FAM107B: variants seen among roughly 807,000 people sequenced by gnomAD.
FAM107B encodes the protein protein FAM107B.
In FAM107B, 21 loss-of-function variants were observed where a neutral mutation model predicts 31.5. The ratio of observed to expected loss-of-function variants is 0.67; its 90% CI spans 0.47 to 0.96. FAM107B has a LOEUF of 0.96. Among genes scored for constraint, FAM107B ranks in the 40% least tolerant of loss-of-function variants. The pLI, the probability that FAM107B is intolerant of heterozygous loss-of-function variation, is 0.00. For missense variants in FAM107B, 452 were observed against 377.1 expected (o/e 1.20, Z -1.64); for synonymous variants, 157 against 141.5 (o/e 1.11, Z -0.78).
rs1249025472 is a variant in FAM107B, at chr10:14,519,777, A to T, written c.*1413T>A. ...TCTATGAGTCTTCAAAGAAAGTATG[A>T]GAAGTCTCTCCAATGCAGAAATGAC... On this transcript the variant is annotated 3_prime_UTR_variant, in exon 5 of 5. Coordinates refer to ENST00000181796, the MANE Select transcript of FAM107B (RefSeq NM_031453.4). 6.6e-6 allele frequency: 1 copy of T among 152,286 alleles called. No individual in the cohort carries two copies. Among genetic ancestry groups the T allele is most frequent in the Non-Finnish European group, 1.5e-5 (1 of 68,040 alleles). The allele number at this position is 152,286 out of a possible 1,614,324, so 9.4% of individuals were successfully genotyped here.
At chr10:14,662,772 C>T (rs1564618182) in intron 2 of FAM107B, among the ~76,000 whole-genome samples, 2 of 152,086 alleles carry the variant, frequency 1.3e-5, no homozygotes, top group South Asian at 2.1e-4. Flanking sequence ...AACTGGGAAG[C>T]GAAGGTGTAG....
At chr10:14,674,391 T>G (rs1342435915) in intron 1 of FAM107B, among the ~76,000 whole-genome samples, 1 of 152,226 alleles carries the variant, frequency 6.6e-6, no homozygotes, top group African/African-American at 2.4e-5. Flanking sequence ...GGGCTGTGTT[T>G]TTAAAACCCC....
At chr10:14,729,766 T>C (rs1220606113) in intron 1 of FAM107B, among the ~76,000 whole-genome samples, 1 of 152,174 alleles carries the variant, frequency 6.6e-6, no homozygotes, top group Middle Eastern at 3.2e-3. Context: ...CTATTTACAA[T>C]AGCAAAGACT....
At chr10:14,641,554 A>C (rs920109649) in intron 2 of FAM107B, among the ~76,000 whole-genome samples, 6 of 152,176 alleles carry the variant, frequency 3.9e-5, no homozygotes, top group Non-Finnish European at 7.4e-5. Flanking sequence ...GTGAGGACTC[A>C]CTTCTTGGCT....
chr10:14,547,836 G>C (rs1848841956), intron 2 of FAM107B, among the ~76,000 whole-genome samples: 1 of 152,196 alleles, frequency 6.6e-6, no homozygotes, highest in Non-Finnish European at 1.5e-5. Context: ...AAGAATTTAA[G>C]TTGGCTCTTA....
intron 1 of FAM107B, among the ~76,000 whole-genome samples, chr10:14,685,147 T>G (rs150222388): frequency 0.44 from 64,971 of 146,568 alleles, 14,972 homozygotes; most frequent in East Asian, 0.64. Flanking sequence ...CTTTTATTTT[T>G]TTTTTTTTTT....
At chr10:14,756,557 T>G (rs903758093) in intron 1 of FAM107B, among the ~76,000 whole-genome samples, 1 of 152,212 alleles carries the variant, frequency 6.6e-6, no homozygotes, top group Non-Finnish European at 1.5e-5. Context: ...GCTTATCCAC[T>G]GATGGTGGGT....
chr10:14,541,356 G>T (rs993532725), intron 2 of FAM107B, among the ~76,000 whole-genome samples: 3 of 152,180 alleles, frequency 2.0e-5, no homozygotes, highest in African/African-American at 7.2e-5. Flanking sequence ...CTCGATAGTG[G>T]AGTCCTCAAT....
intron 1 of FAM107B, among the ~76,000 whole-genome samples, chr10:14,700,474 C>G (rs1040797656): frequency 6.6e-6 from 1 of 151,796 alleles, no homozygotes; most frequent in African/African-American, 2.4e-5. Flanking sequence ...GTGCTCGCAT[C>G]GAATTTAACG....
intron 3 of FAM107B, among the ~76,000 whole-genome samples, chr10:14,528,340 C>T (rs1846559512): frequency 6.6e-6 from 1 of 151,880 alleles, no homozygotes; most frequent in African/African-American, 2.4e-5. Context: ...TGCCACCAAG[C>T]CCGGCTAATT....
rs114586113 is a variant in FAM107B, at chr10:14,595,489, G to C, written c.470-64974C>G. Among the ~76,000 whole-genome samples the C allele has an allele frequency of 6.3e-5, 8 of 126,886 alleles. No homozygotes were observed. In the East Asian group the frequency reaches 1.9e-3, roughly 31 times the overall value. The allele number at this position is 126,886 out of a possible 152,430, so 83.2% of individuals were successfully genotyped here. ...CACCCAGGCTGGAGTACAGTGGTTC[G>C]AGCTCAGCTCACTGCAACCTCCGCC... is the stretch of plus-strand genomic sequence containing the variant. On this transcript the variant is annotated intron_variant, in intron 2 of 4. Coordinates refer to ENST00000181796, the MANE Select transcript of FAM107B (RefSeq NM_031453.4).
intron 2 of FAM107B, among the ~76,000 whole-genome samples, chr10:14,539,792 C>T (rs996770284): frequency 2.6e-5 from 4 of 152,058 alleles, no homozygotes; most frequent in Admixed American, 2.0e-4. Flanking sequence ...TCCTTGGTGA[C>T]TTTTTTCACC....
Position 14,599,229 on chromosome 10 carries a change from T to TC in FAM107B, c.469+68404dup, listed in dbSNP as rs377172714. 6.0e-3 allele frequency among the ~76,000 whole-genome samples: 900 copies of TC among 150,914 alleles called. 9 individuals carry two copies. The highest frequency in any genetic ancestry group is 0.018 in the African/African-American group (758 of 41,036). On this transcript the variant is annotated intron_variant, in intron 2 of 4. Coordinates refer to ENST00000181796, the MANE Select transcript of FAM107B (RefSeq NM_031453.4). ...ACCTGAGGGTTGCTGGGGCTCAGTG[T>TC]CCCCCCCCACTTCAAGACTTCTAAG...
chr10:14,534,504 G>C (rs1285464810), intron 2 of FAM107B, among the ~76,000 whole-genome samples: 1 of 152,108 alleles, frequency 6.6e-6, no homozygotes, highest in African/African-American at 2.4e-5. Flanking sequence ...GGCAACTCTT[G>C]CGTCTCACAA....
chr10:14,617,251 T>C (rs946204480), intron 2 of FAM107B, among the ~76,000 whole-genome samples: 1 of 152,150 alleles, frequency 6.6e-6, no homozygotes, highest in African/African-American at 2.4e-5. Flanking sequence ...GACCTGTGTG[T>C]AATTCCTGCT....
At chr10:14,733,224 G>GC (rs1331658221) in intron 1 of FAM107B, among the ~76,000 whole-genome samples, 1 of 151,838 alleles carries the variant, frequency 6.6e-6, no homozygotes, top group African/African-American at 2.4e-5. Context: ...TCACAGAAAG[G>GC]AATATCAGCT....
intron 2 of FAM107B, among the ~76,000 whole-genome samples, chr10:14,652,499 C>A (rs1040355724): frequency 2.6e-5 from 4 of 152,164 alleles, no homozygotes; most frequent in Admixed American, 6.5e-5. Context: ...TGCCATGCAA[C>A]CTTGGTTAAA....
At chr10:14,759,885 T>C (rs1833009555) in intron 1 of FAM107B, among the ~76,000 whole-genome samples, 1 of 152,120 alleles carries the variant, frequency 6.6e-6, no homozygotes. Flanking sequence ...CTAACTTATG[T>C]ATTTTTAGTA....
chr10:14,604,340 G>T, intron 2 of FAM107B: 1 of 803,250 alleles, frequency 1.2e-6, no homozygotes, highest in Non-Finnish European at 1.5e-6. Context: ...CCGAGGCGGC[G>T]CGAGGGCGGC....
Sources: allele counts gnomAD v4.1 joint callset (sites outside exome capture counted in the v4.1 genomes callset), GRCh38; gene constraint gnomAD v4.1.1; transcripts MANE v1.5; gene names NCBI Gene and HGNC (gene_info 2026-07-23, HGNC 2026-07-21).